Variants in BNC2 observed in about 807,000 individuals in gnomAD.
BNC2 encodes zinc finger protein basonuclin-2.
In BNC2, 20 loss-of-function variants were observed where a neutral mutation model predicts 76.3. The observed-to-expected ratio is 0.26, with a 90% CI of 0.18 to 0.38. The LOEUF (loss-of-function observed/expected upper bound fraction) is 0.38. BNC2 is among the 10% of genes least tolerant of loss of function. BNC2 has a pLI of 1.00. For missense variants in BNC2, 1,382 were observed against 1,399.8 expected (o/e 0.99, Z 0.20); for synonymous variants, 582 against 514.8 (o/e 1.13, Z -1.77).
At chr9:16,744,852 C>G (rs1299636180) in intron 1 of BNC2, among the ~76,000 whole-genome samples, 2 of 152,204 alleles carry the variant, frequency 1.3e-5, no homozygotes, top group Admixed American at 1.3e-4. Context: ...TTTATCACAT[C>G]ATGCCCACAT....
chr9:16,526,196 C>T (rs919754940), intron 5 of BNC2, among the ~76,000 whole-genome samples: 1 of 152,008 alleles, frequency 6.6e-6, no homozygotes, highest in Admixed American at 6.5e-5. Context: ...GGAACACATA[C>T]ATACACATAT....
intron 6 of BNC2, chr9:16,435,225 T>G: frequency 2.5e-6 from 1 of 398,538 alleles, no homozygotes; most frequent in South Asian, 2.3e-5. Context: ...AAGTGAAGGT[T>G]CACGGGGAAG....
intron 1 of BNC2, among the ~76,000 whole-genome samples, chr9:16,779,947 C>T (rs1826078855): frequency 6.6e-6 from 1 of 152,174 alleles, no homozygotes; most frequent in African/African-American, 2.4e-5. Context: ...CTAAAAACTA[C>T]TGAAACTGGC....
intron 1 of BNC2, among the ~76,000 whole-genome samples, chr9:16,740,451 A>G (rs1042035201): frequency 6.6e-6 from 1 of 152,228 alleles, no homozygotes; most frequent in African/African-American, 2.4e-5. Flanking sequence ...ACATTCATGT[A>G]TATTTGTGGC....
At chr9:16,471,937 G>C (rs753912745) in intron 5 of BNC2, among the ~76,000 whole-genome samples, 1 of 152,116 alleles carries the variant, frequency 6.6e-6, no homozygotes, top group African/African-American at 2.4e-5. Flanking sequence ...GATCTGATGG[G>C]TTTATCAGGG....
intron 5 of BNC2, among the ~76,000 whole-genome samples, chr9:16,439,539 T>C (rs78649607): frequency 0.015 from 2,334 of 152,278 alleles, 49 homozygotes; most frequent in African/African-American, 0.05. Context: ...GCCACTGTGC[T>C]TTATGTAGGA....
chr9:16,479,771 CTTCT>C (rs35525287), intron 5 of BNC2, among the ~76,000 whole-genome samples: 20,852 of 151,934 alleles, frequency 0.14, 2,511 homozygotes, highest in African/African-American at 0.3. Flanking sequence ...TAAGATCTGA[CTTCT>C]TTCTTTATGC....
intron 5 of BNC2, among the ~76,000 whole-genome samples, chr9:16,471,375 C>G (rs1039694817): frequency 6.6e-6 from 1 of 151,510 alleles, no homozygotes; most frequent in East Asian, 2.0e-4. Flanking sequence ...CTCACTGCAA[C>G]CCCCGCCTCC....
At position 16,863,309 on chromosome 9, in the gene BNC2, G is replaced by A. The variant is rs1397565369; in HGVS notation, c.3+7337C>T. 2.0e-5 allele frequency among the ~76,000 whole-genome samples: 3 copies of A among 152,152 alleles called. No homozygotes were observed. In the East Asian group the frequency reaches 5.8e-4, roughly 29 times the overall value. On this transcript the variant is annotated intron_variant, in intron 1 of 6. Coordinates refer to ENST00000380672, the MANE Select transcript of BNC2 (RefSeq NM_017637.6). ...TAGCTGGGCATTTAGCATCCCACCT[G>A]GGGGAAAGACTATGAAAAATAACTC...
chr9:16,448,849 T>C (rs1424815450), intron 5 of BNC2, among the ~76,000 whole-genome samples: 1 of 152,244 alleles, frequency 6.6e-6, no homozygotes, highest in African/African-American at 2.4e-5. Context: ...CTACTTTCCT[T>C]TGATTGCTCA....
At chr9:16,432,546 TGAA>T (rs1820928080) in intron 6 of BNC2, among the ~76,000 whole-genome samples, 1 of 152,190 alleles carries the variant, frequency 6.6e-6, no homozygotes, top group Non-Finnish European at 1.5e-5. Context: ...GTTCGAATCA[TGAA>T]GAAGTCTGCT....
intron 3 of BNC2, among the ~76,000 whole-genome samples, chr9:16,632,518 A>T: frequency 6.6e-6 from 1 of 152,218 alleles, no homozygotes; most frequent in East Asian, 1.9e-4. Flanking sequence ...CTCTTAATTT[A>T]AGGGAACAAT....
rs140941405 is a variant in BNC2 at position 16,524,680 on chromosome 9, A to G, written c.669+27850T>C. Among the ~76,000 whole-genome samples the G allele has an allele frequency of 2.0e-5, 3 of 152,374 alleles. No individual in the cohort carries two copies. The East Asian group carries it at 5.8e-4, about 29-fold the overall frequency. ...TAAAATAACAATACAGTGGAAGAAA[A>G]AATAGATGAATGAAAAATCTTATTA... On this transcript the variant is annotated intron_variant, in intron 5 of 6. Transcript: ENST00000380672.
intron 4 of BNC2, chr9:16,580,275 T>G (rs1281558374): frequency 2.5e-6 from 1 of 397,576 alleles, no homozygotes; most frequent in Non-Finnish European, 4.4e-6. Context: ...GCCTCATGAA[T>G]GGGGAGAGTG....
In BNC2 at chr9:16,414,829, A is replaced by G. The variant is rs1355840614; in HGVS notation, c.*4160T>C. On this transcript the variant is annotated 3_prime_UTR_variant, in exon 7 of 7. Coordinates refer to ENST00000380672, the MANE Select transcript of BNC2 (RefSeq NM_017637.6). Reference sequence around the variant, plus strand: ...GGGGTGTGTACAGAGAAAGGGGAAAAAAAGGTCACATTGTATTTGGTGGGA... The same window carrying G: ...GGGGTGTGTACAGAGAAAGGGGAAAGAAAGGTCACATTGTATTTGGTGGGA... 1 of 152,182 alleles carries G rather than the reference A, an allele frequency of 6.6e-6. No homozygotes were observed. Among genetic ancestry groups the G allele is most frequent in the Non-Finnish European group, 1.5e-5 (1 of 68,032 alleles). The allele number at this position is 152,182 out of a possible 1,614,324, so 9.4% of individuals were successfully genotyped here.
intron 1 of BNC2, among the ~76,000 whole-genome samples, chr9:16,767,976 T>G (rs1825740889): frequency 1.3e-5 from 2 of 151,820 alleles, no homozygotes; most frequent in Admixed American, 1.3e-4. Context: ...TTTTTTTTTT[T>G]TTTTTTTTAG....
At chr9:16,694,231 T>G (rs1163098015) in intron 3 of BNC2, among the ~76,000 whole-genome samples, 4 of 152,074 alleles carry the variant, frequency 2.6e-5, no homozygotes, top group Non-Finnish European at 5.9e-5. Flanking sequence ...AAAAGCAGAA[T>G]AGTGAATTTG....
chr9:16,659,080 T>C (rs1291964485), intron 3 of BNC2, among the ~76,000 whole-genome samples: 2 of 151,834 alleles, frequency 1.3e-5, no homozygotes, highest in Non-Finnish European at 1.5e-5. Flanking sequence ...AGGTACTCAA[T>C]AAATATTTGC....
intron 1 of BNC2, among the ~76,000 whole-genome samples, chr9:16,787,879 T>C (rs1160577660): frequency 1.3e-5 from 2 of 152,110 alleles, no homozygotes; most frequent in African/African-American, 4.8e-5. Flanking sequence ...AGCACAGAAT[T>C]ATTTCCTTAG....
Sources: gnomAD v4.1 joint callset for allele counts (sites outside exome capture counted in the v4.1 genomes callset) on GRCh38, gnomAD v4.1.1 for gene constraint, MANE v1.5 for transcripts, NCBI Gene and HGNC (gene_info 2026-07-23, HGNC 2026-07-21) for gene names.